MEGF11: variants seen among roughly 807,000 people sequenced by gnomAD.
The protein encoded by MEGF11 is multiple epidermal growth factor-like domains protein 11.
Under a neutral mutation model 146.6 loss-of-function variants are expected in MEGF11, and 126 were observed. The observed-to-expected ratio is 0.86, with a 90% CI of 0.74 to 1.00. MEGF11 has a LOEUF of 1.00. Ranked by LOEUF, MEGF11 falls within the 50% of genes least tolerant of loss-of-function variation. The probability of loss-of-function intolerance (pLI) is 0.00; values close to 1 mark genes in which losing one functional copy is unlikely to be tolerated. For missense variants in MEGF11, 1,509 were observed against 1,521.2 expected (o/e 0.99, Z 0.13); for synonymous variants, 532 against 583.4 (o/e 0.91, Z 1.27).
chr15:65,993,790 A>G (rs1391023105), intron 5 of MEGF11, among the ~76,000 whole-genome samples: 1 of 152,192 alleles, frequency 6.6e-6, no homozygotes, highest in Non-Finnish European at 1.5e-5. Flanking sequence ...ATTTCCTCTG[A>G]GGAGTGAACT....
chr15:65,909,919 G>A, intron 21 of MEGF11, 113 bp from the exon 22 acceptor site: 1 of 936,758 alleles, frequency 1.1e-6, no homozygotes, highest in South Asian at 1.4e-5. Context: ...GACCCACCTG[G>A]GTCCTAGGCC....
chr15:66,190,641 T>G (rs1293515924), intron 1 of MEGF11, among the ~76,000 whole-genome samples: 1 of 152,116 alleles, frequency 6.6e-6, no homozygotes, highest in African/African-American at 2.4e-5. Context: ...CTGAGATCCT[T>G]GCCCACCTGA....
intron 7 of MEGF11, among the ~76,000 whole-genome samples, chr15:65,977,232 C>T (rs534797266): frequency 6.6e-6 from 1 of 151,050 alleles, no homozygotes; most frequent in African/African-American, 2.4e-5. Flanking sequence ...GGTGAAAGGA[C>T]TTAAGGCCAT....
chr15:66,085,316 A>T (rs758699086), intron 5 of MEGF11, among the ~76,000 whole-genome samples: 8 of 152,104 alleles, frequency 5.3e-5, no homozygotes, highest in Admixed American at 3.9e-4. Flanking sequence ...CCCTCTCCAC[A>T]TTACTATAGC....
intron 5 of MEGF11, among the ~76,000 whole-genome samples, chr15:65,989,415 C>T (rs764700016): frequency 3.3e-5 from 5 of 152,224 alleles, no homozygotes; most frequent in African/African-American, 4.8e-5. Context: ...GCAGTCACAG[C>T]CCCTCCCAGA....
intron 5 of MEGF11, among the ~76,000 whole-genome samples, chr15:66,044,812 C>T (rs1406947506): frequency 1.6e-5 from 2 of 127,008 alleles, no homozygotes; most frequent in Non-Finnish European, 3.1e-5. Flanking sequence ...ATGATCACAT[C>T]ACTGCACTGC....
intron 1 of MEGF11, among the ~76,000 whole-genome samples, chr15:66,209,093 G>A (rs2091376696): frequency 6.6e-6 from 1 of 152,178 alleles, no homozygotes; most frequent in South Asian, 2.1e-4. Flanking sequence ...GTTCACGCCT[G>A]TAATCCCAGC....
chr15:66,064,620 C>A (rs1381946010), intron 5 of MEGF11, among the ~76,000 whole-genome samples: 1 of 151,878 alleles, frequency 6.6e-6, no homozygotes, highest in Admixed American at 6.6e-5. Context: ...CGGATTCAAG[C>A]GATTTTCCTG....
rs559673244 is a variant in MEGF11, at chr15:65,928,401, G to A, written c.1675+24C>T. ...GAACCCAGTTTCACAGTACCTGGGT[G>A]GTGGCACAGCAAGGGAAGGTTACCT... On this transcript the variant is annotated intron_variant, in intron 13 of 25. Coordinates refer to ENST00000395614, the MANE Select transcript of MEGF11 (RefSeq NM_001385028.1). The A allele has an allele frequency of 9.6e-5, 147 of 1,535,252 alleles. 1 individual carries two copies. In the South Asian group the frequency reaches 1.6e-3, roughly 17 times the overall value.
intron 1 of MEGF11, among the ~76,000 whole-genome samples, chr15:66,140,117 T>C (rs948448201): frequency 6.6e-6 from 1 of 152,172 alleles, no homozygotes; most frequent in Admixed American, 6.5e-5. Context: ...TAGCTTCTGA[T>C]AACTTATTCA....
chr15:66,051,374 G>T (rs2084439048), intron 5 of MEGF11, among the ~76,000 whole-genome samples: 1 of 152,088 alleles, frequency 6.6e-6, no homozygotes, highest in Admixed American at 6.5e-5. Context: ...GGGATGGGAA[G>T]CAGGAAAAAA....
At chr15:66,012,306 C>T (rs1265961765) in intron 5 of MEGF11, among the ~76,000 whole-genome samples, 1 of 152,168 alleles carries the variant, frequency 6.6e-6, no homozygotes, top group African/African-American at 2.4e-5. Flanking sequence ...GGGTGAAATG[C>T]TTCTTGAGGG....
At chr15:66,079,796 G>A (rs1222238871) in intron 5 of MEGF11, among the ~76,000 whole-genome samples, 1 of 152,176 alleles carries the variant, frequency 6.6e-6, no homozygotes, top group Admixed American at 6.5e-5. Context: ...TGGGTGGAGG[G>A]TAGAGATGGG....
chr15:66,194,919 G>A (rs1481251010), intron 1 of MEGF11, among the ~76,000 whole-genome samples: 6 of 152,150 alleles, frequency 3.9e-5, no homozygotes, highest in African/African-American at 1.4e-4. Context: ...GTGCATTTGG[G>A]CTTGTCGTCA....
chr15:65,938,555 C>G (rs1399041270), intron 10 of MEGF11, among the ~76,000 whole-genome samples: 1 of 152,218 alleles, frequency 6.6e-6, no homozygotes, highest in Non-Finnish European at 1.5e-5. Flanking sequence ...CCCATCTCCC[C>G]AGTCCACACC....
chr15:65,939,598 G>T (rs538259884), intron 10 of MEGF11, among the ~76,000 whole-genome samples: 4 of 151,386 alleles, frequency 2.6e-5, no homozygotes, highest in African/African-American at 9.7e-5. Context: ...GGGTTCAAGC[G>T]ATTCTCCTGC....
intron 5 of MEGF11, among the ~76,000 whole-genome samples, chr15:66,078,070 C>T (rs2085669427): frequency 6.6e-6 from 1 of 152,132 alleles, no homozygotes; most frequent in Admixed American, 6.5e-5. Context: ...AGGGCATCAA[C>T]CAGAGTTTCA....
chr15:66,173,409 G>A (rs374706170), intron 1 of MEGF11, among the ~76,000 whole-genome samples: 23 of 152,148 alleles, frequency 1.5e-4, no homozygotes, highest in Admixed American at 6.5e-4. Flanking sequence ...TCCTCCTCCC[G>A]GTTTCAAGCG....
chr15:65,906,290 G>T, intron 23 of MEGF11, 149 bp from the exon 24 acceptor site: 1 of 611,304 alleles, frequency 1.6e-6, no homozygotes, highest in Non-Finnish European at 2.9e-6. Context: ...TGATTCTGGG[G>T]GTTTAATCTA....
Sources: gnomAD v4.1 joint callset for allele counts (sites outside exome capture counted in the v4.1 genomes callset) on GRCh38, gnomAD v4.1.1 for gene constraint, MANE v1.5 for transcripts, NCBI Gene and HGNC (gene_info 2026-07-23, HGNC 2026-07-21) for gene names.